KHDRBS2: variants seen among roughly 807,000 people sequenced by gnomAD.
The protein encoded by KHDRBS2 is KH domain-containing, RNA-binding, signal transduction-associated protein 2.
Under a neutral mutation model 44.3 loss-of-function variants are expected in KHDRBS2, and 26 were observed. The observed-to-expected ratio is 0.59, with a 90% confidence interval of 0.43 to 0.81. The LOEUF (loss-of-function observed/expected upper bound fraction) is 0.81, where lower values mean the gene tolerates loss of function less well. KHDRBS2 is among the 40% of genes least tolerant of loss of function. KHDRBS2 has a pLI of 0.00. For missense variants in KHDRBS2, 476 were observed against 433.1 expected, an observed-to-expected ratio of 1.10 and a Z score of -0.88; for synonymous variants, 194 against 151.1, an observed-to-expected ratio of 1.28 and a Z score of -2.08.
intron 1 of KHDRBS2, among the ~76,000 whole-genome samples, chr6:62,216,338 C>A (rs1387967618): frequency 1.3e-5 from 2 of 151,736 alleles, no homozygotes; most frequent in African/African-American, 2.4e-5. Context: ...GACACTTTTG[C>A]ATAAAACTAA....
intron 2 of KHDRBS2, among the ~76,000 whole-genome samples, chr6:62,113,257 A>G (rs766279001): frequency 6.6e-5 from 10 of 152,138 alleles, no homozygotes; most frequent in Non-Finnish European, 1.2e-4. Context: ...TTCATTGAAT[A>G]TACTGACTTC....
At chr6:61,828,239 G>A (rs1404639520) in intron 6 of KHDRBS2, among the ~76,000 whole-genome samples, 1 of 152,150 alleles carries the variant, frequency 6.6e-6, no homozygotes, top group Non-Finnish European at 1.5e-5. Flanking sequence ...CTGCATATTA[G>A]CTCAACCATC....
the KHDRBS2 span, among the ~76,000 whole-genome samples, chr6:61,646,235 T>C: frequency 6.6e-6 from 1 of 152,122 alleles, no homozygotes; most frequent in Non-Finnish European, 1.5e-5. Context: ...AGTTTTTAGT[T>C]ATAGGAATGT....
chr6:62,113,157 T>A (rs1805414108), intron 2 of KHDRBS2, among the ~76,000 whole-genome samples: 1 of 152,112 alleles, frequency 6.6e-6, no homozygotes, highest in Admixed American at 6.6e-5. Flanking sequence ...ACATATTAAA[T>A]ACTGAAGCCT....
intron 3 of KHDRBS2, among the ~76,000 whole-genome samples, chr6:62,031,500 G>C (rs907179734): frequency 2.6e-5 from 4 of 151,908 alleles, no homozygotes; most frequent in African/African-American, 9.7e-5. Flanking sequence ...ACCTTCCCTG[G>C]GCCAGAAAAC....
At chr6:62,137,418 T>C (rs181376160) in intron 2 of KHDRBS2, among the ~76,000 whole-genome samples, 3 of 152,324 alleles carry the variant, frequency 2.0e-5, no homozygotes, top group South Asian at 2.1e-4. Context: ...AGACATTTAA[T>C]TTCAAATCAG....
At chr6:61,567,422 C>T in the KHDRBS2 span, among the ~76,000 whole-genome samples, 4 of 152,048 alleles carry the variant, frequency 2.6e-5, no homozygotes, top group Non-Finnish European at 5.9e-5. Flanking sequence ...TTGCTTCAGC[C>T]TATTCGTTTG....
chr6:61,950,299 T>A (rs1764480063), intron 4 of KHDRBS2, among the ~76,000 whole-genome samples: 1 of 152,102 alleles, frequency 6.6e-6, no homozygotes, highest in Non-Finnish European at 1.5e-5. Flanking sequence ...ATTACTTTGG[T>A]GTAAATGATC....
At chr6:61,583,229 C>CA in the KHDRBS2 span, among the ~76,000 whole-genome samples, 1 of 151,816 alleles carries the variant, frequency 6.6e-6, no homozygotes, top group African/African-American at 2.4e-5. Context: ...CTGAGCCAAA[C>CA]AGTGTCCACC....
chr6:62,065,602 G>T (rs996135050), intron 2 of KHDRBS2, among the ~76,000 whole-genome samples: 2 of 132,372 alleles, frequency 1.5e-5, no homozygotes, highest in Non-Finnish European at 3.1e-5. Flanking sequence ...ATGGACACAG[G>T]AATGGGAATA....
chr6:61,899,276 T>A (rs1803485768), intron 5 of KHDRBS2, among the ~76,000 whole-genome samples: 1 of 151,918 alleles, frequency 6.6e-6, no homozygotes. Context: ...AGGAAAAGAA[T>A]ATCTCTTATT....
chr6:61,882,945 A>G (rs1213147055), intron 6 of KHDRBS2, among the ~76,000 whole-genome samples: 2 of 152,028 alleles, frequency 1.3e-5, no homozygotes, highest in East Asian at 1.9e-4. Flanking sequence ...TCAACCAACA[A>G]AATCCAAAGT....
chr6:61,843,345 T>TTAG (rs1419410785), intron 6 of KHDRBS2, among the ~76,000 whole-genome samples: 3 of 59,680 alleles, frequency 5.0e-5, no homozygotes, highest in African/African-American at 2.3e-4. Flanking sequence ...ATCTATTTTA[T>TTAG]TATTATTATT....
In KHDRBS2 at chr6:62,081,742, TG is replaced by T. The variant is rs771832410; in HGVS notation, c.220-33749del. ...ATGCAATTAAATTGTTCCTTTGTAT[TG>T]TTTTTTTCATTTATCATCTCATATT... On this transcript the variant is annotated intron_variant, in intron 2 of 8. Transcript: ENST00000281156. Among the ~76,000 whole-genome samples, 11 of 152,252 alleles carry T rather than the reference TG, an allele frequency of 7.2e-5. 1 individual carries two copies. In the South Asian group the frequency reaches 1.0e-3, roughly 14 times the overall value.
intron 7 of KHDRBS2, among the ~76,000 whole-genome samples, chr6:61,719,183 AT>A (rs1459800818): frequency 2.0e-5 from 3 of 152,152 alleles, no homozygotes; most frequent in Non-Finnish European, 4.4e-5. Flanking sequence ...TACAGTTAAA[AT>A]TTTACATTGG....
chr6:61,894,346 T>G (rs1802524815), intron 6 of KHDRBS2, among the ~76,000 whole-genome samples: 1 of 152,172 alleles, frequency 6.6e-6, no homozygotes, highest in African/African-American at 2.4e-5. Flanking sequence ...AATTCACCTT[T>G]TGTTTATAAT....
intron 1 of KHDRBS2, among the ~76,000 whole-genome samples, chr6:62,201,599 CATGCTTCT>C (rs959967066): frequency 2.0e-5 from 3 of 152,034 alleles, no homozygotes; most frequent in Non-Finnish European, 4.4e-5. Context: ...TAGAAAAATA[CATGCTTCT>C]TACAAAACTA....
At chr6:61,664,671 A>G in the KHDRBS2 span, among the ~76,000 whole-genome samples, 1 of 151,766 alleles carries the variant, frequency 6.6e-6, no homozygotes, top group Non-Finnish European at 1.5e-5. Flanking sequence ...CTTCCTGCTA[A>G]GAACACAACT....
intron 2 of KHDRBS2, among the ~76,000 whole-genome samples, chr6:62,110,084 G>T (rs1055704609): frequency 1.3e-5 from 2 of 151,828 alleles, no homozygotes; most frequent in Non-Finnish European, 2.9e-5. Flanking sequence ...AAACGACAAG[G>T]CCCAGGAAGG....
Sources: allele counts gnomAD v4.1 joint callset (sites outside exome capture counted in the v4.1 genomes callset), GRCh38; gene constraint gnomAD v4.1.1; transcripts MANE v1.5; gene names NCBI Gene and HGNC (gene_info 2026-07-23, HGNC 2026-07-21).